The following SH3GL2 variants were observed in gnomAD, a reference collection of about 807,000 sequenced individuals.
SH3GL2 encodes SH3 domain containing GRB2 like 2, endophilin A1.
SH3GL2 carries 24 observed loss-of-function variants against 46.0 expected under a neutral mutation model. The observed-to-expected ratio is 0.52, with a 90% CI of 0.38 to 0.73. The LOEUF (loss-of-function observed/expected upper bound fraction) is 0.73. Ranked by LOEUF, SH3GL2 falls within the 30% of genes least tolerant of loss-of-function variation. The probability of loss-of-function intolerance (pLI) is 0.00; values close to 1 mark genes in which losing one functional copy is unlikely to be tolerated. For synonymous variants in SH3GL2, 196 were observed against 147.1 expected (o/e 1.33, Z -2.40); for missense variants, 413 against 424.2 (o/e 0.97, Z 0.23).
rs570800310 is a variant in SH3GL2 at position 17,654,906 on chromosome 9, GAC to G, written c.45+75621_45+75622del. Among the ~76,000 whole-genome samples the G allele has an allele frequency of 1.8e-4, 28 of 152,276 alleles. 1 individual carries two copies. In the South Asian group the frequency reaches 4.8e-3, roughly 26 times the overall value. On this transcript the variant is annotated intron_variant, in intron 1 of 8. Transcript: ENST00000380607. ...TTCCATCTAAATTGTTGCTTTTAAT[GAC>G]AAAGTCATGCTCCTCCTGGAGGATG...
At chr9:17,651,208 C>T (rs1035961484) in intron 1 of SH3GL2, among the ~76,000 whole-genome samples, 1 of 151,682 alleles carries the variant, frequency 6.6e-6, no homozygotes, top group Non-Finnish European at 1.5e-5. Context: ...TTTTTTTCTC[C>T]ATGTATATTT....
At chr9:17,775,216 G>A (rs1404287034) in intron 3 of SH3GL2, among the ~76,000 whole-genome samples, 1 of 151,488 alleles carries the variant, frequency 6.6e-6, no homozygotes, top group Non-Finnish European at 1.5e-5. Context: ...CAATTTTGTT[G>A]ATCTTTTCCA....
chr9:17,709,251 A>T (rs2118257115), intron 1 of SH3GL2, among the ~76,000 whole-genome samples: 1 of 152,174 alleles, frequency 6.6e-6, no homozygotes, highest in Non-Finnish European at 1.5e-5. Flanking sequence ...TTGTAAGATA[A>T]GTCAGTCCTT....
intron 3 of SH3GL2, among the ~76,000 whole-genome samples, chr9:17,765,528 T>A (rs1358638730): frequency 6.6e-6 from 1 of 152,236 alleles, no homozygotes; most frequent in Non-Finnish European, 1.5e-5. Flanking sequence ...AAAGCAAATT[T>A]GGTCATATTA....
intron 1 of SH3GL2, among the ~76,000 whole-genome samples, chr9:17,745,240 C>T (rs1822647748): frequency 6.6e-6 from 1 of 152,012 alleles, no homozygotes; most frequent in Non-Finnish European, 1.5e-5. Context: ...GAATCATTGC[C>T]CTTTATCTAC....
intron 3 of SH3GL2, among the ~76,000 whole-genome samples, chr9:17,766,631 T>C (rs952040060): frequency 6.6e-6 from 1 of 152,204 alleles, no homozygotes; most frequent in African/African-American, 2.4e-5. Flanking sequence ...TAACCCATTA[T>C]AGCCAAAATA....
intron 2 of SH3GL2, among the ~76,000 whole-genome samples, chr9:17,753,756 A>T (rs902645568): frequency 6.6e-6 from 1 of 152,246 alleles, no homozygotes; most frequent in Non-Finnish European, 1.5e-5. Flanking sequence ...GCCCATGCCT[A>T]TGTCCTCAAT....
At chr9:17,778,891 G>C (rs1823720890) in intron 3 of SH3GL2, among the ~76,000 whole-genome samples, 1 of 152,120 alleles carries the variant, frequency 6.6e-6, no homozygotes, top group African/African-American at 2.4e-5. Flanking sequence ...TTAATATTGA[G>C]AGTACTATAG....
chr9:17,649,168 G>A (rs769903923), intron 1 of SH3GL2, among the ~76,000 whole-genome samples: 6 of 152,154 alleles, frequency 3.9e-5, no homozygotes, highest in Non-Finnish European at 8.8e-5. Flanking sequence ...CATGATCTCA[G>A]CTCACTGCAA....
At chr9:17,611,457 T>C (rs1588171836) in intron 1 of SH3GL2, among the ~76,000 whole-genome samples, 1 of 152,226 alleles carries the variant, frequency 6.6e-6, no homozygotes, top group East Asian at 1.9e-4. Context: ...TAGAACTTTA[T>C]TGGCTTCAGT....
chr9:17,706,918 A>G (rs1821487143), intron 1 of SH3GL2, among the ~76,000 whole-genome samples: 1 of 152,130 alleles, frequency 6.6e-6, no homozygotes, highest in South Asian at 2.1e-4. Flanking sequence ...TTGAAAGGCA[A>G]TTCAAGCAGT....
At position 17,731,419 on chromosome 9, in the gene SH3GL2, G is replaced by A. The variant is rs375883656; in HGVS notation, c.46-15647G>A. ...AAGGGAGGGAGGTGGGGGGAGGTAGGGAAGAGAGAGAGAGAGAAAGAGAGA... is the reference window on the plus strand; with the variant it reads ...AAGGGAGGGAGGTGGGGGGAGGTAGAGAAGAGAGAGAGAGAGAAAGAGAGA... On this transcript the variant is annotated intron_variant, in intron 1 of 8. Coordinates refer to ENST00000380607, the MANE Select transcript of SH3GL2 (RefSeq NM_003026.5). Among the ~76,000 whole-genome samples the A allele has an allele frequency of 1.3e-5, 2 of 150,880 alleles. 1 individual carries two copies. Among genetic ancestry groups the A allele is most frequent in the East Asian group, 3.9e-4 (2 of 5,066 alleles).
At position 17,687,166 on chromosome 9, in the gene SH3GL2, C is replaced by G. The variant is rs528355271; in HGVS notation, c.46-59900C>G. On this transcript the variant is annotated intron_variant, in intron 1 of 8. Coordinates refer to ENST00000380607, the MANE Select transcript of SH3GL2 (RefSeq NM_003026.5). The stretch of plus-strand genomic sequence containing the variant: ...TATGCTCTCTCACATTAAGTGTATG[C>G]TTTGATTTTTCTTATAATCATTTCA... Among the ~76,000 whole-genome samples the G allele has an allele frequency of 2.0e-5, 3 of 152,118 alleles. 1 individual carries two copies. The South Asian group carries it at 6.2e-4, about 32-fold the overall frequency.
In SH3GL2 at chr9:17,796,763, A is replaced by T. The variant is rs1432590005; in HGVS notation, c.*1020A>T. On this transcript the variant is annotated 3_prime_UTR_variant, in exon 9 of 9. Transcript: ENST00000380607. The stretch of plus-strand genomic sequence containing the variant: ...ATTCTGCCCTCAATGAGGACCAAAT[A>T]AAGATGATTTTTGTGCTTAGCAGTT... The T allele has an allele frequency of 6.6e-6, 1 of 152,670 alleles. No homozygotes were observed. The highest frequency in any genetic ancestry group is 2.4e-5 in the African/African-American group (1 of 41,466). The allele number at this position is 152,670 out of a possible 1,614,324, so 9.5% of individuals were successfully genotyped here. A position where few individuals can be genotyped will look rare whatever the true frequency, so the allele number is the denominator to read the frequency against.
chr9:17,756,162 A>T (rs1822983135), intron 2 of SH3GL2, among the ~76,000 whole-genome samples: 1 of 152,160 alleles, frequency 6.6e-6, no homozygotes, highest in African/African-American at 2.4e-5. Flanking sequence ...AAGGATGCTG[A>T]AATGTGAATT....
chr9:17,676,036 C>G (rs1362209433), intron 1 of SH3GL2, among the ~76,000 whole-genome samples: 1 of 152,166 alleles, frequency 6.6e-6, no homozygotes, highest in Non-Finnish European at 1.5e-5. Context: ...TTCTTAGAAG[C>G]TGTGTGTAAC....
chr9:17,634,321 T>C (rs1819496787), intron 1 of SH3GL2, among the ~76,000 whole-genome samples: 1 of 152,176 alleles, frequency 6.6e-6, no homozygotes, highest in Admixed American at 6.5e-5. Flanking sequence ...CTTTTAACTA[T>C]GAGAAATCAG....
intron 3 of SH3GL2, among the ~76,000 whole-genome samples, chr9:17,768,165 A>C (rs916610542): frequency 2.0e-5 from 3 of 151,970 alleles, no homozygotes; most frequent in African/African-American, 7.3e-5. Flanking sequence ...AGATCAGGGG[A>C]TAGAGACCAT....
intron 1 of SH3GL2, among the ~76,000 whole-genome samples, chr9:17,581,826 G>A (rs1588154500): frequency 6.6e-6 from 1 of 152,172 alleles, no homozygotes; most frequent in East Asian, 1.9e-4. Flanking sequence ...AGCCTCCTGA[G>A]TAGCTGGGAT....
Sources: gnomAD v4.1 joint callset for allele counts (sites outside exome capture counted in the v4.1 genomes callset) on GRCh38, gnomAD v4.1.1 for gene constraint, MANE v1.5 for transcripts, NCBI Gene and HGNC (gene_info 2026-07-23, HGNC 2026-07-21) for gene names.